Variants in ANKHD1 observed in about 807,000 individuals in gnomAD.
The protein encoded by ANKHD1 is ankyrin repeat and KH domain containing 1.
Under a neutral mutation model 230.5 loss-of-function variants are expected in ANKHD1, and 31 were observed. The observed-to-expected ratio is 0.13, with a 90% confidence interval of 0.10 to 0.18. The LOEUF is 0.18. Ranked by LOEUF, ANKHD1 falls within the 10% of genes least tolerant of loss-of-function variation. ANKHD1 has a pLI of 1.00. For synonymous variants in ANKHD1, 1,074 were observed against 1,117.6 expected (o/e 0.96, Z 0.78); for missense variants, 2,256 against 3,071.3 (o/e 0.73, Z 6.27).
chr5:140,526,279 T>C lies in ANKHD1; in HGVS notation c.4776T>C (p.Asp1592=). ...PRGGGAGGNS[D]SDNLDSTDCN... ...GTGGTGGTGCAGGTGGGAATAGTGATTCAGATAACTTGGACAGCACAGACT... is the reference window on the plus strand; with the variant it reads ...GTGGTGGTGCAGGTGGGAATAGTGACTCAGATAACTTGGACAGCACAGACT... Residue 1592 remains aspartate, a synonymous_variant, in exon 26 of 34, where the codon GAT becomes GAC. Transcript: ENST00000360839. The C allele has an allele frequency of 6.2e-7, 1 of 1,614,172 alleles. No homozygotes were observed. Among genetic ancestry groups the C allele is most frequent in the Non-Finnish European group, 8.5e-7 (1 of 1,180,026 alleles).
Position 140,419,862 on chromosome 5 carries a change from C to G in ANKHD1, c.307-16242C>G, listed in dbSNP as rs13162232. On this transcript the variant is annotated intron_variant, in intron 1 of 33. Coordinates refer to ENST00000360839, the MANE Select transcript of ANKHD1 (RefSeq NM_017747.3). ...TTTCTTTCTCTTTCTTTTTTTCTTT[C>G]TTTTCTTTCTTTCTTCTTCTGTCCT... 5.6e-3 allele frequency among the ~76,000 whole-genome samples: 557 copies of G among 99,512 alleles called. 7 individuals are homozygous for G. The highest frequency in any genetic ancestry group is 0.021 in the African/African-American group (530 of 24,974). The allele number at this position is 99,512 out of a possible 152,430, so 65.3% of individuals were successfully genotyped here.
At chr5:140,524,467 T>C (rs1421459650) in intron 25 of ANKHD1, among the ~76,000 whole-genome samples, 1 of 152,232 alleles carries the variant, frequency 6.6e-6, no homozygotes, top group Non-Finnish European at 1.5e-5. Context: ...TCAGTTGTAA[T>C]TTAAGTCACC....
At chr5:140,427,769 G>C (rs886860725) in intron 1 of ANKHD1, among the ~76,000 whole-genome samples, 1 of 150,306 alleles carries the variant, frequency 6.7e-6, no homozygotes, top group Non-Finnish European at 1.5e-5. Flanking sequence ...TGGCCGGGCG[G>C]GGGGCTGATC....
chr5:140,508,065 C>T (rs1752611122), intron 20 of ANKHD1, 67 bp downstream of exon 20: 2 of 1,530,792 alleles, frequency 1.3e-6, no homozygotes, highest in African/African-American at 1.4e-5. Context: ...CATTTTAACG[C>T]AAATTGAATA....
intron 1 of ANKHD1, among the ~76,000 whole-genome samples, chr5:140,425,847 T>C (rs1483056076): frequency 6.6e-6 from 1 of 152,108 alleles, no homozygotes; most frequent in African/African-American, 2.4e-5. Flanking sequence ...TGGAGTACTG[T>C]GTGTTTTGCA....
Position 140,402,125 on chromosome 5 carries a change from C to G in ANKHD1, c.158C>G (p.Ala53Gly), listed in dbSNP as rs1387123240. 2.6e-6 allele frequency: 4 copies of G among 1,541,062 alleles called. No individual in the cohort carries two copies. Among genetic ancestry groups the G allele is most frequent in the Non-Finnish European group, 2.6e-6 (3 of 1,148,042 alleles). Residue 53 changes from alanine to glycine, a missense_variant, in exon 1 of 34, where the codon GCG becomes GGG. Transcript: ENST00000360839. Reference protein sequence around the residue: ...TVRLFGEAGPASGVGSSGGGG... With the variant: ...TVRLFGEAGPGSGVGSSGGGG... ...AGGCTCTTTGGGGAGGCCGGGCCAG[C>G]GTCGGGAGTCGGCAGCAGCGGCGGC...
At chr5:140,510,306 A>ATTATTT in intron 22 of ANKHD1, 125 bp downstream of exon 22, 1 of 864,538 alleles carries the variant, frequency 1.2e-6, no homozygotes, top group Non-Finnish European at 1.5e-6. Flanking sequence ...CTATCTTTCC[A>ATTATTT]TTCTTTTTTT....
At chr5:140,490,597 C>A (rs1444293200) in intron 14 of ANKHD1, among the ~76,000 whole-genome samples, 1 of 152,110 alleles carries the variant, frequency 6.6e-6, no homozygotes, top group East Asian at 1.9e-4. Flanking sequence ...CCTGCAGTTA[C>A]AAATATTCAG....
intron 9 of ANKHD1, among the ~76,000 whole-genome samples, chr5:140,460,023 G>A (rs1775590892): frequency 6.6e-6 from 1 of 152,118 alleles, no homozygotes; most frequent in Non-Finnish European, 1.5e-5. Context: ...GTGGCTTGTG[G>A]AAGGGAGATG....
Position 140,507,237 on chromosome 5 carries a change from C to G in ANKHD1, c.3551+260C>G, listed in dbSNP as rs560313323. Among the ~76,000 whole-genome samples, 157 of 152,284 alleles carry G rather than the reference C, an allele frequency of 1.0e-3. No individual in the cohort carries two copies. Among genetic ancestry groups the G allele is most frequent in the African/African-American group, 3.7e-3 (153 of 41,562 alleles). ...CTAAACGTGCCCAATCTCATCTGATCTCAGAAACGGTATTTTATTTTATAT... is the reference window on the plus strand; with the variant it reads ...CTAAACGTGCCCAATCTCATCTGATGTCAGAAACGGTATTTTATTTTATAT... On this transcript the variant is annotated intron_variant, in intron 19 of 33. Coordinates refer to ENST00000360839, the MANE Select transcript of ANKHD1 (RefSeq NM_017747.3). This position sits in a 1 kb window ranked among gnomAD's most constrained non-coding sequence, Gnocchi z 4.1.
chr5:140,404,025 G>A (rs917921876), intron 1 of ANKHD1, among the ~76,000 whole-genome samples: 2 of 152,310 alleles, frequency 1.3e-5, no homozygotes, highest in South Asian at 2.1e-4. Flanking sequence ...GTTATAAGGC[G>A]GGTAGTCCCT....
chr5:140,418,592 C>T lies in ANKHD1; in HGVS notation c.306+16319C>T, dbSNP rs116569055. On this transcript the variant is annotated intron_variant, in intron 1 of 33. Coordinates refer to ENST00000360839, the MANE Select transcript of ANKHD1 (RefSeq NM_017747.3). ...CCCCAGCCCCTCATAATCACTAATC[C>T]ACTTTCTGTCTGTATGTATTTGCCT... Among the ~76,000 whole-genome samples the T allele has an allele frequency of 2.6e-3, 394 of 152,296 alleles. 1 individual carries two copies. The highest frequency in any genetic ancestry group is 0.014 in the Middle Eastern group (4 of 294).
At chr5:140,535,672 T>C (rs1320842687) in intron 30 of ANKHD1, 134 bp downstream of exon 30, 1 of 1,217,884 alleles carries the variant, frequency 8.2e-7, no homozygotes, top group Non-Finnish European at 1.1e-6. Context: ...TCTGTGGTCA[T>C]GTGAAAAAAT....
chr5:140,508,224 C>T (rs1272501035), intron 20 of ANKHD1, among the ~76,000 whole-genome samples: 4 of 152,114 alleles, frequency 2.6e-5, no homozygotes, highest in Admixed American at 2.0e-4. Flanking sequence ...CAACCTCAGC[C>T]TTGAGTAGCT....
rs778231044 is a variant in ANKHD1 at position 140,445,764 on chromosome 5, A to T, written c.936A>T (p.Ala312=). 2.5e-6 allele frequency: 4 copies of T among 1,604,070 alleles called. No homozygotes were observed. The highest frequency in any genetic ancestry group is 3.4e-6 in the Non-Finnish European group (4 of 1,174,326). The stretch of plus-strand genomic sequence containing the variant: ...TAGGAAACACTGCGCTAACTTATGC[A>T]TGTGCTGGAGGATTTGTTGACATTG... The part of the protein sequence containing the change: ...SATGNTALTY[A]CAGGFVDIVK... The change falls in exon 6 of 34, where the codon GCA becomes GCT. Residue 312 remains alanine, a synonymous_variant. Transcript: ENST00000360839.
intron 5 of ANKHD1, among the ~76,000 whole-genome samples, chr5:140,443,734 AG>A (rs1774053392): frequency 6.6e-6 from 1 of 151,992 alleles, no homozygotes; most frequent in South Asian, 2.1e-4. Flanking sequence ...CCAACAAGGA[AG>A]TTTTAAATTT....
chr5:140,515,274 TC>T (rs774041969), intron 24 of ANKHD1, among the ~76,000 whole-genome samples: 3 of 144,892 alleles, frequency 2.1e-5, no homozygotes, highest in Non-Finnish European at 3.0e-5. Flanking sequence ...CTAGATTCTG[TC>T]CCCCCAAAAA....
intron 1 of ANKHD1, among the ~76,000 whole-genome samples, chr5:140,416,666 A>G (rs144604865): frequency 2.8e-3 from 430 of 151,928 alleles, no homozygotes; most frequent in African/African-American, 9.6e-3. Flanking sequence ...TTAATTTTTT[A>G]TAGAGATGAG....
chr5:140,491,092 GTATATA>G (rs377535904), intron 14 of ANKHD1, among the ~76,000 whole-genome samples: 6 of 102,414 alleles, frequency 5.9e-5, no homozygotes, highest in East Asian at 2.6e-4. Context: ...GTGTGTGTGT[GTATATA>G]TATATATATA....
Sources: gnomAD v4.1 joint callset for allele counts (sites outside exome capture counted in the v4.1 genomes callset) on GRCh38, gnomAD v4.1.1 for gene constraint, Gnocchi (gnomAD v3.1) non-coding constraint, MANE v1.5 for transcripts, NCBI Gene and HGNC (gene_info 2026-07-23, HGNC 2026-07-21) for gene names.